CIBAR1: variants seen among roughly 807,000 people sequenced by gnomAD.
The protein encoded by CIBAR1 is CBY1-interacting BAR domain-containing protein 1.
A neutral mutation model predicts 44.0 loss-of-function variants in CIBAR1; 25 were observed. The observed-to-expected ratio is 0.57, with a 90% CI of 0.41 to 0.79. The LOEUF is 0.79. Among genes scored for constraint, CIBAR1 ranks in the 30% least tolerant of loss-of-function variants. CIBAR1 has a pLI of 0.00. For synonymous variants in CIBAR1, 115 were observed against 119.0 expected, an observed-to-expected ratio of 0.97 and a Z score of 0.22; for missense variants, 278 against 344.8, an observed-to-expected ratio of 0.81 and a Z score of 1.53.
At chr8:93,719,964 A>ATTTTTT (rs900999614) in intron 7 of CIBAR1, 1 of 135,958 alleles carries the variant, frequency 7.4e-6, no homozygotes, top group Non-Finnish European at 1.6e-5. Flanking sequence ...GATTCCCCCG[A>ATTTTTT]TTTTTTTTTT....
intron 6 of CIBAR1, among the ~76,000 whole-genome samples, chr8:93,711,151 T>C (rs1586269502): frequency 2.0e-5 from 3 of 152,340 alleles, no homozygotes; most frequent in South Asian, 4.1e-4. Context: ...GCAGGTCTTT[T>C]TGATAACCAT....
At chr8:93,705,965 AAG>A (rs913630544) in intron 4 of CIBAR1, 3 of 152,028 alleles carry the variant, frequency 2.0e-5, no homozygotes, top group Non-Finnish European at 2.9e-5. Context: ...AAAAAAGAAA[AAG>A]AGAAAGAAAG....
At chr8:93,712,242 A>G (rs1810854998) in intron 6 of CIBAR1, among the ~76,000 whole-genome samples, 1 of 152,166 alleles carries the variant, frequency 6.6e-6, no homozygotes, top group African/African-American at 2.4e-5. Flanking sequence ...CCCAACCCTA[A>G]GCAGCCACCA....
At chr8:93,720,394 G>A (rs566495808) in intron 7 of CIBAR1, among the ~76,000 whole-genome samples, 1 of 152,268 alleles carries the variant, frequency 6.6e-6, no homozygotes, top group Non-Finnish European at 1.5e-5. Context: ...AGAGAATGAA[G>A]AAAGTACATA....
chr8:93,714,599 C>A (rs2130337540), intron 6 of CIBAR1, among the ~76,000 whole-genome samples: 1 of 152,082 alleles, frequency 6.6e-6, no homozygotes, highest in Non-Finnish European at 1.5e-5. Context: ...AGAAATCTCA[C>A]AACAGTAGCC....
intron 3 of CIBAR1, among the ~76,000 whole-genome samples, chr8:93,704,549 G>A (rs1181958783): frequency 6.6e-6 from 1 of 152,136 alleles, no homozygotes; most frequent in Non-Finnish European, 1.5e-5. Flanking sequence ...TGGGGGTTGG[G>A]AGCCCTTGAT....
chr8:93,722,805 A>G (rs1477743567), intron 7 of CIBAR1, among the ~76,000 whole-genome samples: 4 of 152,232 alleles, frequency 2.6e-5, no homozygotes, highest in Non-Finnish European at 5.9e-5. Flanking sequence ...TGGAAAATGC[A>G]TTATTGCCAA....
At chr8:93,724,595 G>A in intron 7 of CIBAR1, 1 of 1,267,972 alleles carries the variant, frequency 7.9e-7, no homozygotes, top group South Asian at 1.3e-5. Flanking sequence ...CAAAGTGTCA[G>A]GTGAGAAATT....
Position 93,728,247 on chromosome 8 carries a change from G to A in CIBAR1, c.820G>A (p.Asp274Asn), listed in dbSNP as rs779123545. 2.5e-6 allele frequency: 4 copies of A among 1,599,114 alleles called. No homozygotes were observed. The highest frequency in any genetic ancestry group is 1.4e-5 in the African/African-American group (1 of 73,566). ...AAGAAAGGATCAACAAGCAGAAGAT[G>A]ATGAGGATGACGAGTTAGATGTTAC... ...RLRKDQQAEDDEDDELDVTEE... is the reference protein window; with the variant it reads ...RLRKDQQAEDNEDDELDVTEE... The change falls in exon 9 of 9, where the codon GAT becomes AAT. Residue 274 changes from aspartate to asparagine, a missense_variant. Coordinates refer to ENST00000518322, the MANE Select transcript of CIBAR1 (RefSeq NM_145269.5).
At chr8:93,706,080 G>A (rs1251350157) in intron 4 of CIBAR1, 1 of 152,236 alleles carries the variant, frequency 6.6e-6, no homozygotes, top group Non-Finnish European at 1.5e-5. Context: ...AACCACATGA[G>A]GAGTGGCTCT....
intron 1 of CIBAR1, 32 bp from the exon 2 acceptor site, chr8:93,701,192 A>C (rs1210366353): frequency 6.3e-7 from 1 of 1,597,016 alleles, no homozygotes; most frequent in Non-Finnish European, 8.5e-7. Context: ...TCTAACGAGA[A>C]TGTTTTGCCT....
chr8:93,702,208 TA>T (rs1383458063), intron 2 of CIBAR1: 32 of 414,690 alleles, frequency 7.7e-5, no homozygotes, highest in East Asian at 1.5e-4. Flanking sequence ...AGAATGAGTA[TA>T]AAAAAAATTG....
At chr8:93,704,336 T>C (rs1226037325) in intron 3 of CIBAR1, among the ~76,000 whole-genome samples, 1 of 152,222 alleles carries the variant, frequency 6.6e-6, no homozygotes, top group Non-Finnish European at 1.5e-5. Context: ...AGTTACTTTA[T>C]TGATAATTTA....
intron 4 of CIBAR1, 142 bp from the exon 5 acceptor site, chr8:93,707,869 A>G (rs539213332): frequency 4.2e-6 from 2 of 479,086 alleles, no homozygotes; most frequent in Non-Finnish European, 3.5e-6. Flanking sequence ...ACTGAATTAC[A>G]TAAGTAACCA....
chr8:93,717,790 T>A (rs1811091018), intron 6 of CIBAR1, among the ~76,000 whole-genome samples: 1 of 152,250 alleles, frequency 6.6e-6, no homozygotes, highest in Non-Finnish European at 1.5e-5. Flanking sequence ...CTACATTGCT[T>A]ATTTTGTTAT....
At chr8:93,712,126 C>A (rs1018574460) in intron 6 of CIBAR1, among the ~76,000 whole-genome samples, 4 of 152,216 alleles carry the variant, frequency 2.6e-5, no homozygotes, top group African/African-American at 9.6e-5. Context: ...ATTCACTGTG[C>A]AACTCTGGTC....
chr8:93,707,922 G>T, intron 4 of CIBAR1, 89 bp from the exon 5 acceptor site: 1 of 788,986 alleles, frequency 1.3e-6, no homozygotes, highest in South Asian at 2.0e-5. Context: ...CTAATTGTAA[G>T]TGTATATAAT....
chr8:93,702,258 C>T (rs1051766886), intron 2 of CIBAR1: 21 of 427,662 alleles, frequency 4.9e-5, no homozygotes, highest in African/African-American at 3.7e-4. Context: ...GAAGAGTAAT[C>T]ATATTTGGAG....
intron 7 of CIBAR1, among the ~76,000 whole-genome samples, chr8:93,723,232 A>C (rs1003682802): frequency 6.6e-6 from 1 of 152,120 alleles, no homozygotes; most frequent in Non-Finnish European, 1.5e-5. Flanking sequence ...TCCTGACCTC[A>C]TGATCCGCCC....
Sources: allele counts gnomAD v4.1 joint callset (sites outside exome capture counted in the v4.1 genomes callset), GRCh38; gene constraint gnomAD v4.1.1; transcripts MANE v1.5; gene names NCBI Gene and HGNC (gene_info 2026-07-23, HGNC 2026-07-21).